Variants in CYP4Z1 observed in about 807,000 individuals in gnomAD.
CYP4Z1 encodes cytochrome P450 family 4 subfamily Z member 1, also known as cytochrome P450 4Z1.
In CYP4Z1, 41 loss-of-function variants were observed where a neutral mutation model predicts 54.2. The observed-to-expected ratio is 0.76, with a 90% CI of 0.59 to 0.98. CYP4Z1 has a LOEUF of 0.98. Ranked by LOEUF, CYP4Z1 falls within the 50% of genes least tolerant of loss-of-function variation. The pLI, the probability that CYP4Z1 is intolerant of heterozygous loss-of-function variation, is 0.00. For synonymous variants in CYP4Z1, 163 were observed against 206.2 expected, an observed-to-expected ratio of 0.79 and a Z score of 1.79; for missense variants, 513 against 599.0, an observed-to-expected ratio of 0.86 and a Z score of 1.50.
At chr1:47,063,462 G>A (rs1291361181), upstream of CYP4Z1, among the ~76,000 whole-genome samples, 1 of 152,082 alleles carries the variant, frequency 6.6e-6, no homozygotes, top group East Asian at 1.9e-4. Flanking sequence ...CCAGAGAAAG[G>A]TGAAGTCCAA....
At chr1:47,057,335 A>AAAAAAATATATAT in the CYP4Z1 span, among the ~76,000 whole-genome samples, 13 of 28,468 alleles carry the variant, frequency 4.6e-4, no homozygotes, top group East Asian at 9.7e-4. Context: ...AAGAAAAAAA[A>AAAAAAATATATAT]ATATATATAT....
In CYP4Z1 at chr1:47,106,151, A is replaced by G. The variant is rs201097161; in HGVS notation, c.1091A>G (p.Tyr364Cys). ...ITWEHLSQMP[Y>C]TTMCIKECLR... The stretch of plus-strand genomic sequence containing the variant: ...AGGGAACACCTGAGCCAGATGCCTT[A>G]CACCACGATGTGCATCAAGGAATGC... The change falls in exon 9 of 12, where the codon TAC (tyrosine) becomes TGC (cysteine). Residue 364 changes from tyrosine to cysteine, a missense_variant. Physicochemically the swap from Tyr to Cys is radical, Grantham distance 194 (BLOSUM62 -2). Coordinates refer to ENST00000334194, the MANE Select transcript of CYP4Z1 (RefSeq NM_178134.3). The G allele has an allele frequency of 5.6e-6, 9 of 1,613,962 alleles. No homozygotes were observed. The African/African-American group carries it at 9.3e-5, about 17-fold the overall frequency.
chr1:47,116,597 T>C, intron 10 of CYP4Z1, 53 bp from the exon 11 acceptor site: 1 of 1,222,644 alleles, frequency 8.2e-7, no homozygotes, highest in Non-Finnish European at 1.2e-6. Context: ...GTTTTTGTTT[T>C]TTGTGGGGGT....
upstream of CYP4Z1, among the ~76,000 whole-genome samples, chr1:47,064,299 G>A (rs906541982): frequency 3.3e-5 from 5 of 151,892 alleles, no homozygotes; most frequent in Non-Finnish European, 5.9e-5. Context: ...GGCCAGGATG[G>A]TCTCGATCTC....
At chr1:47,078,988 G>A (rs1255995869) in intron 2 of CYP4Z1, among the ~76,000 whole-genome samples, 1 of 151,926 alleles carries the variant, frequency 6.6e-6, no homozygotes, top group Non-Finnish European at 1.5e-5. Context: ...TGCCTCAATT[G>A]TTCTTTTTTG....
upstream of CYP4Z1, among the ~76,000 whole-genome samples, chr1:47,066,011 C>T (rs1055314911): frequency 6.6e-6 from 1 of 151,976 alleles, no homozygotes; most frequent in Non-Finnish European, 1.5e-5. Context: ...AGACCAATAA[C>T]AAGCAGTGAG....
At position 47,116,304 on chromosome 1, in the gene CYP4Z1, G is replaced by A. The variant is rs142536117; in HGVS notation, c.1267-346G>A. ...AGAAAAGATAATAATTTGATGCTTT[G>A]CCCATTTTTATATGACAGAGGCACG... is the stretch of plus-strand genomic sequence containing the variant. On this transcript the variant is annotated intron_variant, in intron 10 of 11. Coordinates refer to ENST00000334194, the MANE Select transcript of CYP4Z1 (RefSeq NM_178134.3). 1.3e-4 allele frequency among the ~76,000 whole-genome samples: 20 copies of A among 152,240 alleles called. No homozygotes were observed. The South Asian group carries it at 3.3e-3, about 25-fold the overall frequency.
the CYP4Z1 span, among the ~76,000 whole-genome samples, chr1:47,057,554 C>A: frequency 1.4e-5 from 2 of 140,256 alleles, no homozygotes; most frequent in Non-Finnish European, 3.1e-5. Context: ...TTTAAAGTCA[C>A]TGAATTTTTC....
intron 6 of CYP4Z1, 136 bp from the exon 7 acceptor site, chr1:47,094,430 C>T: frequency 3.3e-6 from 2 of 598,734 alleles, no homozygotes; most frequent in Non-Finnish European, 5.8e-6. Context: ...GGTACTGTCC[C>T]TTACCAACTC....
chr1:47,101,340 G>T (rs1232748794), intron 8 of CYP4Z1, among the ~76,000 whole-genome samples: 1 of 152,038 alleles, frequency 6.6e-6, no homozygotes, highest in African/African-American at 2.4e-5. Context: ...TGCCTCATTA[G>T]ATTGCTTATT....
intron 1 of CYP4Z1, among the ~76,000 whole-genome samples, chr1:47,068,179 A>G (rs1169138486): frequency 6.6e-6 from 1 of 152,206 alleles, no homozygotes; most frequent in Non-Finnish European, 1.5e-5. Context: ...GTATATCCAG[A>G]GCAAAGATGA....
intron 9 of CYP4Z1, 60 bp from the exon 10 acceptor site, chr1:47,115,449 TAAAAAAAAAGTAAAAGAGAA>T (rs1451672871): frequency 1.8e-5 from 24 of 1,308,930 alleles, no homozygotes; most frequent in Non-Finnish European, 2.1e-5. Context: ...AGTATAATTT[TAAAAAAAAAGTAAAAGAGAA>T]AAAAAAAAAG....
intron 9 of CYP4Z1, among the ~76,000 whole-genome samples, chr1:47,108,732 T>G (rs1171815355): frequency 6.6e-6 from 1 of 152,212 alleles, no homozygotes; most frequent in East Asian, 1.9e-4. Context: ...TACTATGATG[T>G]GCAAAATGTC....
chr1:47,077,727 C>T (rs867866822), intron 2 of CYP4Z1, among the ~76,000 whole-genome samples: 13 of 151,580 alleles, frequency 8.6e-5, no homozygotes, highest in African/African-American at 2.9e-4. Flanking sequence ...CCCAAGTAAT[C>T]CTCCCACTTC....
intron 9 of CYP4Z1, among the ~76,000 whole-genome samples, chr1:47,110,765 C>A (rs28410405): frequency 0.41 from 60,421 of 148,776 alleles, 13,526 homozygotes; most frequent in East Asian, 0.96. Flanking sequence ...ATGTGTACTG[C>A]CAGGATATAA....
intron 2 of CYP4Z1, among the ~76,000 whole-genome samples, chr1:47,077,639 G>C (rs1644535199): frequency 6.7e-6 from 1 of 149,530 alleles, no homozygotes; most frequent in African/African-American, 2.5e-5. Context: ...TTTTTTTTTA[G>C]AGACAGGGTC....
rs562577057 is a variant in CYP4Z1, at chr1:47,104,802, G to T, written c.1068-1326G>T. ...AGACCCCCTAGTAGTGTATGCAGGT[G>T]CTGGCTATGGTAGGCAGGGACAGGG... On this transcript the variant is annotated intron_variant, in intron 8 of 11. Transcript: ENST00000334194. Among the ~76,000 whole-genome samples, 4 of 152,262 alleles carry T rather than the reference G, an allele frequency of 2.6e-5. No individual in the cohort carries two copies. The South Asian group carries it at 8.3e-4, about 32-fold the overall frequency.
chr1:47,104,458 C>A (rs887775929), intron 8 of CYP4Z1, among the ~76,000 whole-genome samples: 1 of 152,168 alleles, frequency 6.6e-6, no homozygotes, highest in Admixed American at 6.5e-5. Flanking sequence ...CTGGAAATGG[C>A]AGTGGTGGGT....
upstream of CYP4Z1, among the ~76,000 whole-genome samples, chr1:47,064,048 A>G (rs1644437132): frequency 6.6e-6 from 1 of 151,692 alleles, no homozygotes; most frequent in Admixed American, 6.6e-5. Flanking sequence ...ATTTCTCAGC[A>G]GAAACCCTAC....
Sources: gnomAD v4.1 joint callset for allele counts (sites outside exome capture counted in the v4.1 genomes callset) on GRCh38, gnomAD v4.1.1 for gene constraint, MANE v1.5 for transcripts, NCBI Gene and HGNC (gene_info 2026-07-23, HGNC 2026-07-21) for gene names.